The following BMP8B variants were observed in gnomAD, a reference collection of about 807,000 sequenced individuals.
BMP8B encodes the protein bone morphogenetic protein 8b.
In BMP8B, 17 loss-of-function variants were observed where a neutral mutation model predicts 30.3. The observed-to-expected ratio is 0.56, with a 90% CI of 0.38 to 0.84. The LOEUF (loss-of-function observed/expected upper bound fraction) is 0.84, where lower values mean the gene tolerates loss of function less well. Among genes scored for constraint, BMP8B ranks in the 40% least tolerant of loss-of-function variants. BMP8B has a pLI of 0.00. For missense variants in BMP8B, 253 were observed against 494.6 expected, an observed-to-expected ratio of 0.51 and a Z score of 4.63; for synonymous variants, 131 against 214.7, an observed-to-expected ratio of 0.61 and a Z score of 3.41.
Position 39,785,645 on chromosome 1 carries a change from G to A in BMP8B, c.334+2507C>T, listed in dbSNP as rs189001317. On this transcript the variant is annotated intron_variant, in intron 1 of 6. Coordinates refer to ENST00000372827, the MANE Select transcript of BMP8B (RefSeq NM_001720.5). ...GGCAGGAGCAGGTGTGGGAGCCTGC[G>A]TGTGGGCGGTGACACCACAGTGACC... Among the ~76,000 whole-genome samples the A allele has an allele frequency of 9.2e-5, 14 of 152,294 alleles. No individual in the cohort carries two copies. In the East Asian group the frequency reaches 2.1e-3, roughly 23 times the overall value.
chr1:39,769,452 A>AAC lies in BMP8B; in HGVS notation c.674-4636_674-4635insGT, dbSNP rs1649796307. On this transcript the variant is annotated intron_variant, in intron 3 of 6. Coordinates refer to ENST00000372827, the MANE Select transcript of BMP8B (RefSeq NM_001720.5). The stretch of plus-strand genomic sequence containing the variant: ...CGCTCTGTGTAAACATCACAGAGCA[A>AAC]AGCGGACATCCATTCCTCACCACTG... 3 of 430,862 alleles carry AAC rather than the reference A, an allele frequency of 7.0e-6. No homozygotes were observed. The Admixed American group carries it at 1.3e-4, about 18-fold the overall frequency. The allele number at this position is 430,862 out of a possible 1,614,324, so 26.7% of individuals were successfully genotyped here. A position where few individuals can be genotyped will look rare whatever the true frequency, so the allele number is the denominator to read the frequency against.
chr1:39,763,435 G>A (rs1164277335), intron 5 of BMP8B, among the ~76,000 whole-genome samples: 3 of 109,870 alleles, frequency 2.7e-5, no homozygotes, highest in Non-Finnish European at 6.9e-5. Context: ...AGCTGCAGTC[G>A]TAGCCAATGC....
In BMP8B at chr1:39,778,229, T is replaced by C. The variant is rs564111864; in HGVS notation, c.335-3191A>G. Among the ~76,000 whole-genome samples, 23 of 152,208 alleles carry C rather than the reference T, an allele frequency of 1.5e-4. No individual in the cohort carries two copies. The East Asian group carries it at 4.5e-3, about 30-fold the overall frequency. On this transcript the variant is annotated intron_variant, in intron 1 of 6. Coordinates refer to ENST00000372827, the MANE Select transcript of BMP8B (RefSeq NM_001720.5). ...GTATCACTGCCAGTCTGGGTGTGGC[T>C]ACCATGTCCCCATGTGACTCCATCA...
chr1:39,770,628 C>A (rs1649899140), intron 3 of BMP8B: 1 of 1,570,904 alleles, frequency 6.4e-7, no homozygotes, highest in Non-Finnish European at 8.6e-7. Flanking sequence ...CACCCTTTCA[C>A]CAGGGCGAAG....
intron 1 of BMP8B, among the ~76,000 whole-genome samples, chr1:39,776,142 G>A (rs1650213871): frequency 6.6e-6 from 1 of 152,252 alleles, no homozygotes; most frequent in Non-Finnish European, 1.5e-5. Context: ...GGAATTAGAA[G>A]ACACAGTGGA....
At position 39,788,098 on chromosome 1, in the gene BMP8B, C is replaced by T. The variant is rs4068800; in HGVS notation, c.334+54G>A. The T allele has an allele frequency of 0.48, 704,572 of 1,454,440 alleles. 172,793 individuals carry two copies. Among genetic ancestry groups the T allele is most frequent in the Middle Eastern group, 0.68 (3,058 of 4,530 alleles). 90.1% of individuals were successfully genotyped at this position (1,454,440 alleles called of 1,614,324 possible). A position where few individuals can be genotyped will look rare whatever the true frequency, so the allele number is the denominator to read the frequency against. On this transcript the variant is annotated intron_variant, in intron 1 of 6. Coordinates refer to ENST00000372827, the MANE Select transcript of BMP8B (RefSeq NM_001720.5). This position sits in a 1 kb window ranked among gnomAD's most constrained non-coding sequence, Gnocchi z 5.8. ...CCGGCACAGCCCGCGGATGCGCGCC[C>T]CTCCCCTGCAGCCAGCTTACTCCGA...
At chr1:39,780,023 C>T (rs1226749271) in intron 1 of BMP8B, among the ~76,000 whole-genome samples, 2 of 152,212 alleles carry the variant, frequency 1.3e-5, no homozygotes, top group Admixed American at 6.5e-5. Flanking sequence ...AGCTGCTCAC[C>T]ATGTGGCCCT....
chr1:39,782,343 G>A (rs1650700331), intron 1 of BMP8B, among the ~76,000 whole-genome samples: 1 of 152,158 alleles, frequency 6.6e-6, no homozygotes, highest in South Asian at 2.1e-4. Flanking sequence ...AGATTCTGGA[G>A]CTATGCTTTT....
At chr1:39,776,353 A>G (rs114017670) in intron 1 of BMP8B, among the ~76,000 whole-genome samples, 6,208 of 152,142 alleles carry the variant, frequency 0.041, 185 homozygotes, top group Middle Eastern at 0.16. Context: ...CTGTGTTTCC[A>G]GAAAGCAGGG....
rs559150464 is a variant in BMP8B, at chr1:39,771,304, G to A, written c.673+3004C>T. 307 of 1,427,950 alleles carry A rather than the reference G, an allele frequency of 2.1e-4. 3 individuals are homozygous for A. The African/African-American group carries it at 4.0e-3, about 18-fold the overall frequency. The allele number at this position is 1,427,950 out of a possible 1,614,324, so 88.5% of individuals were successfully genotyped here. A position where few individuals can be genotyped will look rare whatever the true frequency, so the allele number is the denominator to read the frequency against. On this transcript the variant is annotated intron_variant, in intron 3 of 6. Transcript: ENST00000372827. ...GACAGGTGGTGTGAGCCCTGCGTGC[G>A]CCTCGGGCCGCGCGTCACAGAGCAG...
intron 1 of BMP8B, among the ~76,000 whole-genome samples, chr1:39,784,218 G>A (rs990565359): frequency 2.0e-5 from 3 of 152,176 alleles, no homozygotes; most frequent in Admixed American, 6.5e-5. Context: ...CGTGGGCATC[G>A]CTGGGTATCA....
chr1:39,775,115 C>A (rs1022665500), intron 1 of BMP8B, 77 bp from the exon 2 acceptor site: 1 of 1,564,804 alleles, frequency 6.4e-7, no homozygotes, highest in Non-Finnish European at 8.7e-7. Context: ...TGTGAGCCAC[C>A]GCCCCCAGCC....
At chr1:39,786,030 A>T (rs1436696711) in intron 1 of BMP8B, among the ~76,000 whole-genome samples, 9 of 152,170 alleles carry the variant, frequency 5.9e-5, no homozygotes, top group Admixed American at 5.9e-4. Flanking sequence ...TGTGGGAAGA[A>T]GCTGGGATTT....
chr1:39,763,677 T>C (rs775227365), intron 5 of BMP8B, 35 bp downstream of exon 5: 1 of 1,578,170 alleles, frequency 6.3e-7, no homozygotes, highest in South Asian at 1.1e-5. Context: ...CAGGTGGTGA[T>C]TGTCATTTCA....
chr1:39,777,538 C>A (rs1339298509), intron 1 of BMP8B, among the ~76,000 whole-genome samples: 1 of 152,266 alleles, frequency 6.6e-6, no homozygotes, highest in African/African-American at 2.4e-5. Context: ...GTGCCTGCCA[C>A]TCCAGGCTAG....
intron 1 of BMP8B, among the ~76,000 whole-genome samples, chr1:39,787,186 G>C (rs1009638350): frequency 6.6e-6 from 1 of 151,902 alleles, no homozygotes; most frequent in Non-Finnish European, 1.5e-5. Flanking sequence ...AGGGTTGTCG[G>C]GAGGATGAAG....
At position 39,788,513 on chromosome 1, in the gene BMP8B, G is replaced by C. The variant is rs1651170933; in HGVS notation, c.-28C>G. The C allele has an allele frequency of 9.9e-7, 1 of 1,005,572 alleles. No individual in the cohort carries two copies. Among genetic ancestry groups the C allele is most frequent in the Non-Finnish European group, 1.2e-6 (1 of 844,796 alleles). 62.3% of individuals were successfully genotyped at this position (1,005,572 alleles called of 1,614,324 possible). A position where few individuals can be genotyped will look rare whatever the true frequency, so the allele number is the denominator to read the frequency against. On this transcript the variant is annotated 5_prime_UTR_variant, in exon 1 of 7. Coordinates refer to ENST00000372827, the MANE Select transcript of BMP8B (RefSeq NM_001720.5). This position sits in a 1 kb window ranked among gnomAD's most constrained non-coding sequence, Gnocchi z 5.8. Reference sequence around the variant, plus strand: ...CAGGCCGGGGGCGCTCAGCTGGGGCGCTCAGCGGGCGCGCATCGGCTCCGC... The same window carrying C: ...CAGGCCGGGGGCGCTCAGCTGGGGCCCTCAGCGGGCGCGCATCGGCTCCGC...
intron 1 of BMP8B, among the ~76,000 whole-genome samples, chr1:39,787,048 A>T (rs1458915161): frequency 6.6e-6 from 1 of 152,240 alleles, no homozygotes; most frequent in African/African-American, 2.4e-5. Context: ...CCCTGGATGG[A>T]CAGTCAGGCT....
At position 39,760,309 on chromosome 1, in the gene BMP8B, C is replaced by T; in HGVS notation, c.*110G>A. ...GGTCATGTACGTGGTTGTGAGGGTC[C>T]TCCCTGGCAATGCCCCGGCCTGGGG... On this transcript the variant is annotated 3_prime_UTR_variant, in exon 7 of 7. Coordinates refer to ENST00000372827, the MANE Select transcript of BMP8B (RefSeq NM_001720.5). 2 of 1,516,026 alleles carry T rather than the reference C, an allele frequency of 1.3e-6. No homozygotes were observed. 93.9% of individuals were successfully genotyped at this position (1,516,026 alleles called of 1,614,324 possible).
Sources: allele counts gnomAD v4.1 joint callset (sites outside exome capture counted in the v4.1 genomes callset), GRCh38; gene constraint gnomAD v4.1.1; non-coding constraint Gnocchi (gnomAD v3.1); transcripts MANE v1.5; gene names NCBI Gene and HGNC (gene_info 2026-07-23, HGNC 2026-07-21).